STK26: variants seen among roughly 807,000 people sequenced by gnomAD.
STK26 encodes the protein serine/threonine kinase 26, also known as serine/threonine-protein kinase 26.
A neutral mutation model predicts 34.7 loss-of-function variants in STK26; 14 were observed. That is an observed-to-expected ratio of 0.40 (90% CI 0.27 to 0.63). The LOEUF (loss-of-function observed/expected upper bound fraction) is 0.63, where lower values mean the gene tolerates loss of function less well. Ranked by LOEUF, STK26 falls within the 30% of genes least tolerant of loss-of-function variation. STK26 has a pLI of 0.38. For synonymous variants in STK26, 100 were observed against 109.8 expected (o/e 0.91, Z 0.56); for missense variants, 226 against 309.1 (o/e 0.73, Z 2.02).
chrX:132,033,122 G>C (rs951895207), intron 2 of STK26, among the ~76,000 whole-genome samples: 3 of 110,930 alleles, frequency 2.7e-5, no homozygotes, highest in African/African-American at 9.9e-5. Flanking sequence ...TGGTGGGGGT[G>C]GGATGGGCAA....
At position 132,075,085 on chromosome X, in the gene STK26, CTATT is replaced by C. The variant is rs1927558219; in HGVS notation, c.*930_*933del. On this transcript the variant is annotated 3_prime_UTR_variant, in exon 12 of 12. Coordinates refer to ENST00000394334, the MANE Select transcript of STK26 (RefSeq NM_016542.4). ...CCATGGTAATAAATTGTCCTATAAA[CTATT>C]TATATATTTTTGTTCTTCATAATTA... The C allele has an allele frequency of 9.0e-6, 1 of 111,427 alleles. No homozygotes were observed. Among genetic ancestry groups the C allele is most frequent in the Non-Finnish European group, 1.9e-5 (1 of 52,811 alleles). The allele number at this position is 111,427 out of a possible 1,213,427, so 9.2% of individuals were successfully genotyped here. A position where few individuals can be genotyped will look rare whatever the true frequency, so the allele number is the denominator to read the frequency against.
In STK26 at chrX:132,061,360, C is replaced by T. The variant is rs143588755; in HGVS notation, c.274-2073C>T. ...CATCAGAGTCACAATTCTCAGGTTGCGAGTGCCTAGGTTCTATACACAAAT... is the reference window on the plus strand; with the variant it reads ...CATCAGAGTCACAATTCTCAGGTTGTGAGTGCCTAGGTTCTATACACAAAT... On this transcript the variant is annotated intron_variant, in intron 3 of 11. Coordinates refer to ENST00000394334, the MANE Select transcript of STK26 (RefSeq NM_016542.4). Among the ~76,000 whole-genome samples, 599 of 111,803 alleles carry T rather than the reference C, an allele frequency of 5.4e-3. 1 individual carries two copies. Among genetic ancestry groups the T allele is most frequent in the African/African-American group, 0.019 (583 of 30,756 alleles).
At position 132,072,824 on chromosome X, in the gene STK26, T is replaced by G. The variant is rs1181407493; in HGVS notation, c.1038T>G (p.Leu346=). The G allele has an allele frequency of 8.3e-7, 1 of 1,210,428 alleles. No individual in the cohort carries two copies. The highest frequency in any genetic ancestry group is 2.2e-5 in the Admixed American group (1 of 46,044). The change falls in exon 10 of 12, where the codon CTT becomes CTG. Residue 346 remains leucine, a synonymous_variant. Coordinates refer to ENST00000394334, the MANE Select transcript of STK26 (RefSeq NM_016542.4). The stretch of plus-strand genomic sequence containing the variant: ...TTATTTGTTCAAAGGAGCAAGATCT[T>G]GTGCAAACCCTGAGTTGTTTGTCTA... ...KKVQNGAEQD[L]VQTLSCLSMI...
intron 2 of STK26, among the ~76,000 whole-genome samples, chrX:132,043,599 C>T (rs1040153498): frequency 1.6e-4 from 18 of 111,328 alleles, no homozygotes; most frequent in Non-Finnish European, 2.6e-4. Context: ...TTAAACCTGA[C>T]GCCTGGTTGA....
At chrX:132,046,293 G>C (rs1926494888) in intron 2 of STK26, among the ~76,000 whole-genome samples, 1 of 111,261 alleles carries the variant, frequency 9.0e-6, no homozygotes, top group Non-Finnish European at 1.9e-5. Flanking sequence ...CTATCCTCTC[G>C]TGAGTAGGAG....
chrX:132,051,253 T>C (rs1019225061), intron 2 of STK26, among the ~76,000 whole-genome samples: 1 of 111,901 alleles, frequency 8.9e-6, no homozygotes, highest in Non-Finnish European at 1.9e-5. Context: ...GTTTTAGTGG[T>C]AATGATACCT....
At chrX:132,046,548 A>G (rs1926505263) in intron 2 of STK26, among the ~76,000 whole-genome samples, 1 of 112,233 alleles carries the variant, frequency 8.9e-6, no homozygotes, top group African/African-American at 3.2e-5. Context: ...GTACCTATAC[A>G]ATTAATTTTA....
At chrX:132,059,217 A>G (rs1926967406) in intron 3 of STK26, among the ~76,000 whole-genome samples, 1 of 111,768 alleles carries the variant, frequency 8.9e-6, no homozygotes, top group African/African-American at 3.3e-5. Context: ...CCATTGTTCC[A>G]TTTCAGGTGA....
chrX:132,067,254 A>G (rs898865473), intron 4 of STK26, among the ~76,000 whole-genome samples: 3 of 111,701 alleles, frequency 2.7e-5, no homozygotes, highest in African/African-American at 9.8e-5. Flanking sequence ...AAGATGAAAT[A>G]CACAAGGTGC....
chrX:132,069,886 C>T lies in STK26; in HGVS notation c.783+223C>T, dbSNP rs761800042. On this transcript the variant is annotated intron_variant, in intron 7 of 11. Transcript: ENST00000394334. ...TCGTTTTTTTCTTGATCCTCAGCTTCCTCCTTATTCTATTCATTATTTCCT... is the reference window on the plus strand; with the variant it reads ...TCGTTTTTTTCTTGATCCTCAGCTTTCTCCTTATTCTATTCATTATTTCCT... Among the ~76,000 whole-genome samples, 4 of 110,453 alleles carry T rather than the reference C, an allele frequency of 3.6e-5. No individual in the cohort carries two copies. In the East Asian group the frequency reaches 1.1e-3, roughly 32 times the overall value.
intron 2 of STK26, among the ~76,000 whole-genome samples, chrX:132,033,135 T>C (rs1359971733): frequency 9.0e-6 from 1 of 111,014 alleles, no homozygotes; most frequent in African/African-American, 3.3e-5. Flanking sequence ...ATGGGCAATA[T>C]AGATAATCAG....
intron 2 of STK26, among the ~76,000 whole-genome samples, chrX:132,034,111 CAT>C (rs35610755): frequency 1.6e-4 from 15 of 94,848 alleles, no homozygotes; most frequent in East Asian, 6.3e-4. Context: ...ATAATAAATA[CAT>C]ATATATATAT....
intron 2 of STK26, among the ~76,000 whole-genome samples, chrX:132,044,548 C>T (rs1287751371): frequency 9.6e-6 from 1 of 104,283 alleles, no homozygotes; most frequent in African/African-American, 3.5e-5. Context: ...GTATTACCTA[C>T]TGAAGCATTG....
rs202122140 is a variant in STK26 at position 132,026,500 on chromosome X, TA to T, written c.42+2850del. On this transcript the variant is annotated intron_variant, in intron 2 of 11. Transcript: ENST00000394334. ...TCTTGAAAATATTTAAAGTACAACT[TA>T]AAAAAAAACCAATAAACCTGTTTCT... Among the ~76,000 whole-genome samples, 598 of 110,280 alleles carry T rather than the reference TA, an allele frequency of 5.4e-3. 4 individuals are homozygous for T. The highest frequency in any genetic ancestry group is 0.019 in the African/African-American group (565 of 30,397).
chrX:132,030,636 T>C (rs1925796643), intron 2 of STK26, among the ~76,000 whole-genome samples: 1 of 110,527 alleles, frequency 9.0e-6, no homozygotes, highest in East Asian at 2.8e-4. Flanking sequence ...TTTGACAAAG[T>C]TCTGTGTTCT....
rs1927464299 is a variant in STK26, at chrX:132,072,954, C to T, written c.1090-3C>T. ...AAATGTTTTAACTATTATTCTTTCT[C>T]AGCTTAAACAGCAGGACGAGAATAA... On this transcript the variant is annotated splice_region_variant and splice_polypyrimidine_tract_variant and intron_variant, in intron 10 of 11. Coordinates refer to ENST00000394334, the MANE Select transcript of STK26 (RefSeq NM_016542.4). The T allele has an allele frequency of 8.3e-7, 1 of 1,207,745 alleles. No individual in the cohort carries two copies. Among genetic ancestry groups the T allele is most frequent in the Admixed American group, 2.2e-5 (1 of 45,499 alleles).
intron 4 of STK26, among the ~76,000 whole-genome samples, chrX:132,065,127 AT>A (rs1325591904): frequency 1.9e-4 from 21 of 110,800 alleles, no homozygotes; most frequent in African/African-American, 6.6e-4. Context: ...GCCTGAGTTC[AT>A]TTTTTTTCTC....
chrX:132,060,155 G>A (rs755392344), intron 3 of STK26, among the ~76,000 whole-genome samples: 6 of 111,768 alleles, frequency 5.4e-5, no homozygotes, highest in East Asian at 5.6e-4. Flanking sequence ...ATCTACTTTC[G>A]TCTGACAACT....
At chrX:132,040,991 A>T (rs765794412) in intron 2 of STK26, among the ~76,000 whole-genome samples, 6 of 112,017 alleles carry the variant, frequency 5.4e-5, no homozygotes, top group Non-Finnish European at 9.4e-5. Context: ...GATTTCCTTT[A>T]TCTCCATATT....
Sources: gnomAD v4.1 joint callset for allele counts (sites outside exome capture counted in the v4.1 genomes callset) on GRCh38, gnomAD v4.1.1 for gene constraint, MANE v1.5 for transcripts, NCBI Gene and HGNC (gene_info 2026-07-23, HGNC 2026-07-21) for gene names.